The following MEGF6 variants were observed in gnomAD, a reference collection of about 807,000 sequenced individuals.
MEGF6 encodes the protein multiple EGF like domains 6, also known as multiple epidermal growth factor-like domains protein 6.
MEGF6 carries 184 observed loss-of-function variants against 207.1 expected under a neutral mutation model. The ratio of observed to expected loss-of-function variants is 0.89; its 90% CI spans 0.79 to 1.00. MEGF6 has a LOEUF of 1.00. MEGF6 is among the 50% of genes least tolerant of loss of function. The pLI is 0.00. For synonymous variants in MEGF6, 1,038 were observed against 910.0 expected, an observed-to-expected ratio of 1.14 and a Z score of -2.53; for missense variants, 2,282 against 2,202.9, an observed-to-expected ratio of 1.04 and a Z score of -0.72.
intron 3 of MEGF6, 56 bp from the exon 4 acceptor site, chr1:3,579,985 A>T: frequency 7.8e-7 from 1 of 1,289,400 alleles, no homozygotes; most frequent in Non-Finnish European, 1.0e-6. Context: ...AGGCAGGGGG[A>T]GGTGAGGCCT....
intron 5 of MEGF6, among the ~76,000 whole-genome samples, chr1:3,516,798 G>A (rs1304438053): frequency 6.6e-6 from 1 of 152,214 alleles, no homozygotes; most frequent in Non-Finnish European, 1.5e-5. Flanking sequence ...CAGGGGAGCA[G>A]GCGCTGAGGG....
chr1:3,505,288 A>C lies in MEGF6; in HGVS notation c.2108T>G (p.Val703Gly), dbSNP rs776526702. The C allele has an allele frequency of 8.7e-6, 14 of 1,612,136 alleles. No homozygotes were observed. In the Admixed American group the frequency reaches 2.0e-4, roughly 23 times the overall value. Residue 703 changes from valine (V) to glycine (G), a missense_variant, in exon 17 of 37, where the codon GTG (valine) becomes GGG (glycine). Physicochemically the swap from Val to Gly is moderately radical, Grantham distance 109. Coordinates refer to ENST00000356575, the MANE Select transcript of MEGF6 (RefSeq NM_001409.4). The stretch of plus-strand genomic sequence containing the variant: ...GCTCACGGAGTCACAGGCCACGCCC[A>C]CTGGGCAGGTGCATGCCTGCCAGCA... ...PGCWQACTCP[V>G]GVACDSVSGE...
the MEGF6 span, among the ~76,000 whole-genome samples, chr1:3,619,626 C>T: frequency 1.2e-4 from 5 of 41,310 alleles, no homozygotes; most frequent in African/African-American, 3.7e-4. Flanking sequence ...TCACCCCTGC[C>T]GCCATGCTTC....
intron 4 of MEGF6, among the ~76,000 whole-genome samples, chr1:3,558,732 C>G (rs1374810813): frequency 1.3e-5 from 2 of 152,290 alleles, no homozygotes; most frequent in Admixed American, 6.5e-5. Flanking sequence ...CGAGCAGCAC[C>G]CTTCTGCCTT....
intron 4 of MEGF6, among the ~76,000 whole-genome samples, chr1:3,527,306 T>C (rs559324456): frequency 2.6e-5 from 4 of 152,234 alleles, no homozygotes; most frequent in Non-Finnish European, 5.9e-5. Flanking sequence ...CACCAGGCTG[T>C]GCCTGCCACC....
chr1:3,620,929 C>A, the MEGF6 span, among the ~76,000 whole-genome samples: 1 of 152,214 alleles, frequency 6.6e-6, no homozygotes, highest in Non-Finnish European at 1.5e-5. Flanking sequence ...GGCCCTTCCC[C>A]GTTTGGCAGC....
chr1:3,567,801 C>T (rs1485264603), intron 4 of MEGF6, among the ~76,000 whole-genome samples: 1 of 152,212 alleles, frequency 6.6e-6, no homozygotes, highest in African/African-American at 2.4e-5. Flanking sequence ...GGACCTGGTG[C>T]AGGCAGGACA....
intron 24 of MEGF6, 53 bp from the exon 25 acceptor site, chr1:3,498,879 A>T: frequency 6.5e-7 from 1 of 1,537,700 alleles, no homozygotes. Context: ...CTGGCCCCAC[A>T]GGGTCTGTCT....
At chr1:3,545,950 C>G (rs571966540) in intron 4 of MEGF6, among the ~76,000 whole-genome samples, 33 of 152,346 alleles carry the variant, frequency 2.2e-4, no homozygotes, top group Admixed American at 7.2e-4. Flanking sequence ...CCCCTGCCCC[C>G]CTCCAAACGG....
At chr1:3,577,557 C>T (rs1267666409) in intron 4 of MEGF6, among the ~76,000 whole-genome samples, 5 of 152,236 alleles carry the variant, frequency 3.3e-5, no homozygotes, top group African/African-American at 1.2e-4. Context: ...CAGAGAGTGG[C>T]CCAGAGCCAG....
chr1:3,491,333 C>CCCCGGCA (rs1021537090), intron 35 of MEGF6, among the ~76,000 whole-genome samples: 11 of 152,260 alleles, frequency 7.2e-5, no homozygotes, highest in South Asian at 2.1e-4. Context: ...AAGGCACTGC[C>CCCCGGCA]CCCGGCACCC....
rs1226514211 is a variant in MEGF6, at chr1:3,489,647, G to C, written c.*881C>G. Among the ~76,000 whole-genome samples the C allele has an allele frequency of 1.1e-4, 16 of 152,130 alleles. No homozygotes were observed. The highest frequency in any genetic ancestry group is 1.2e-4 in the Non-Finnish European group (8 of 68,012). On this transcript the variant is annotated 3_prime_UTR_variant, in exon 37 of 37. Transcript: ENST00000356575. ...CCAAGGGAGTTCGGCCTCAGTCCAG[G>C]TTGCCCCTCCACACCAGCCCTCCTC...
intron 27 of MEGF6, 54 bp downstream of exon 27, chr1:3,497,179 T>A (rs1640645795): frequency 1.3e-6 from 2 of 1,537,440 alleles, no homozygotes; most frequent in African/African-American, 2.7e-5. Flanking sequence ...AGGCAGCCTC[T>A]CTGGATTCCC....
At chr1:3,616,424 C>T (rs997239308), upstream of MEGF6, among the ~76,000 whole-genome samples, 10 of 152,120 alleles carry the variant, frequency 6.6e-5, no homozygotes, top group Admixed American at 4.6e-4. Context: ...TGCCCCGTAC[C>T]GCCCCGGTCT....
chr1:3,529,349 C>T (rs1050767984), intron 4 of MEGF6, among the ~76,000 whole-genome samples: 8 of 152,202 alleles, frequency 5.3e-5, no homozygotes, highest in African/African-American at 1.9e-4. Context: ...ATTCCAGGGA[C>T]AACGGCCCAC....
intron 4 of MEGF6, among the ~76,000 whole-genome samples, chr1:3,550,954 C>T (rs116070433): frequency 0.011 from 1,600 of 152,328 alleles, 31 homozygotes; most frequent in African/African-American, 0.035. Flanking sequence ...GGCCAGGATC[C>T]GAGGCTCCAG....
At chr1:3,544,375 G>A (rs922607950) in intron 4 of MEGF6, among the ~76,000 whole-genome samples, 5 of 152,252 alleles carry the variant, frequency 3.3e-5, no homozygotes, top group African/African-American at 4.8e-5. Context: ...CCCCAGCACC[G>A]TCTGCACCCT....
Position 3,595,207 on chromosome 1 carries a change from C to T in MEGF6, c.376+131G>A, listed in dbSNP as rs544219060. ...GCCTTTGGCAAACGGCGTTGCTGAGCGAGTGTTCCCTGAGTCTCTCGTGTT... is the reference window on the plus strand; with the variant it reads ...GCCTTTGGCAAACGGCGTTGCTGAGTGAGTGTTCCCTGAGTCTCTCGTGTT... On this transcript the variant is annotated intron_variant, in intron 3 of 36. Transcript: ENST00000356575. 5.7e-5 allele frequency: 36 copies of T among 626,572 alleles called. No homozygotes were observed. In the South Asian group the frequency reaches 6.1e-4, roughly 11 times the overall value. 38.8% of individuals were successfully genotyped at this position (626,572 alleles called of 1,614,324 possible). A position where few individuals can be genotyped will look rare whatever the true frequency, so the allele number is the denominator to read the frequency against.
intron 1 of MEGF6, among the ~76,000 whole-genome samples, chr1:3,609,083 G>A (rs1297716509): frequency 6.6e-6 from 1 of 152,198 alleles, no homozygotes; most frequent in African/African-American, 2.4e-5. Flanking sequence ...CCCGTGCCAA[G>A]CCCTGCCTGC....
Sources: allele counts gnomAD v4.1 joint callset (sites outside exome capture counted in the v4.1 genomes callset), GRCh38; gene constraint gnomAD v4.1.1; transcripts MANE v1.5; gene names NCBI Gene and HGNC (gene_info 2026-07-23, HGNC 2026-07-21).